Variants in NAV2 observed in about 807,000 individuals in gnomAD.
NAV2 encodes neuron navigator 2, also known as helicase, APC down-regulated 1.
A neutral mutation model predicts 223.2 loss-of-function variants in NAV2; 54 were observed. The ratio of observed to expected loss-of-function variants is 0.24; its 90% CI spans 0.19 to 0.30. The LOEUF is 0.30. Ranked by LOEUF, NAV2 falls within the 10% of genes least tolerant of loss-of-function variation. NAV2 has a pLI of 1.00. For synonymous variants in NAV2, 1,279 were observed against 1,239.3 expected (o/e 1.03, Z -0.67); for missense variants, 2,806 against 3,147.5 (o/e 0.89, Z 2.60).
chr11:19,943,927 G>C (rs1032375926), intron 8 of NAV2, among the ~76,000 whole-genome samples: 2 of 139,570 alleles, frequency 1.4e-5, no homozygotes, highest in African/African-American at 2.4e-5. Context: ...GCCGTGTGTG[G>C]TGGCTCACGC....
chr11:19,667,191 T>C (rs1467392306), intron 1 of NAV2, among the ~76,000 whole-genome samples: 1 of 152,240 alleles, frequency 6.6e-6, no homozygotes, highest in Non-Finnish European at 1.5e-5. Flanking sequence ...TGCTTGTTCT[T>C]ATTTGCTGAC....
chr11:19,672,513 C>T (rs540180743), intron 1 of NAV2, among the ~76,000 whole-genome samples: 1 of 152,272 alleles, frequency 6.6e-6, no homozygotes, highest in African/African-American at 2.4e-5. Flanking sequence ...AAGGGGGTAT[C>T]ATGATAGGAT....
chr11:19,751,678 C>G (rs1036985049), intron 1 of NAV2, among the ~76,000 whole-genome samples: 3 of 152,216 alleles, frequency 2.0e-5, no homozygotes, highest in Non-Finnish European at 2.9e-5. Flanking sequence ...ATTCTCTACT[C>G]TCTTCCTTTA....
intron 1 of NAV2, among the ~76,000 whole-genome samples, chr11:19,406,508 G>A (rs191834358): frequency 1.3e-5 from 2 of 152,146 alleles, no homozygotes; most frequent in Non-Finnish European, 2.9e-5. Context: ...GGCCATGGCT[G>A]TCTCTCCTCC....
chr11:19,431,320 T>A (rs1033498274), intron 1 of NAV2, among the ~76,000 whole-genome samples: 1 of 152,182 alleles, frequency 6.6e-6, no homozygotes, highest in Non-Finnish European at 1.5e-5. Flanking sequence ...GTTTAACGAC[T>A]GCTGAAGCTG....
chr11:20,106,589 G>A (rs970077087), intron 35 of NAV2, among the ~76,000 whole-genome samples: 2 of 148,978 alleles, frequency 1.3e-5, no homozygotes, highest in Non-Finnish European at 3.0e-5. Flanking sequence ...TTTTCATTTA[G>A]CACTATCTCA....
At position 19,426,585 on chromosome 11, in the gene NAV2, T is replaced by C. The variant is rs187792105; in HGVS notation, c.75+75558T>C. On this transcript the variant is annotated intron_variant, in intron 1 of 37. Coordinates refer to the NAV2 transcript ENST00000360655. Reference sequence around the variant, plus strand: ...GGTCAGCAGGAATCCTAGTCTCTCATAGGAAACTTGCCAAGAGAGGAATAT... The same window carrying C: ...GGTCAGCAGGAATCCTAGTCTCTCACAGGAAACTTGCCAAGAGAGGAATAT... Among the ~76,000 whole-genome samples the C allele has an allele frequency of 3.6e-3, 546 of 152,238 alleles. 10 individuals carry two copies. Among genetic ancestry groups the C allele is most frequent in the Non-Finnish European group, 1.0e-3 (69 of 68,014 alleles).
chr11:20,005,437 G>A (rs1171727947), intron 11 of NAV2, among the ~76,000 whole-genome samples: 2 of 151,642 alleles, frequency 1.3e-5, no homozygotes, highest in East Asian at 1.9e-4. Flanking sequence ...GTAGAGATAG[G>A]GTTTCACCTT....
At chr11:20,049,936 T>A in intron 16 of NAV2, 35 bp downstream of exon 16, 1 of 1,593,848 alleles carries the variant, frequency 6.3e-7, no homozygotes, top group Non-Finnish European at 8.6e-7. Flanking sequence ...CAACCGAGCC[T>A]CTAGGTTCTT....
intron 6 of NAV2, among the ~76,000 whole-genome samples, chr11:19,906,335 A>C (rs1160480005): frequency 6.6e-6 from 1 of 152,108 alleles, no homozygotes; most frequent in Non-Finnish European, 1.5e-5. Flanking sequence ...TAGTCACGTG[A>C]CCTGCCCAAA....
intron 1 of NAV2, among the ~76,000 whole-genome samples, chr11:19,536,447 C>T (rs753364124): frequency 2.0e-5 from 3 of 152,198 alleles, no homozygotes; most frequent in African/African-American, 7.2e-5. Context: ...GCTGTACCAG[C>T]TCACTGAAGT....
rs2062283683 is a variant in NAV2, at chr11:19,869,062, G to A, written c.511+65G>A. 4 of 1,446,776 alleles carry A rather than the reference G, an allele frequency of 2.8e-6. No homozygotes were observed. In the South Asian group the frequency reaches 3.5e-5, roughly 13 times the overall value. The allele number at this position is 1,446,776 out of a possible 1,614,324, so 89.6% of individuals were successfully genotyped here. A position where few individuals can be genotyped will look rare whatever the true frequency, so the allele number is the denominator to read the frequency against. ...TTAGAAATGCCCACCTGTTACTTAT[G>A]AATGATATTAACACCATTATGACAA... On this transcript the variant is annotated intron_variant, in intron 4 of 37. Coordinates refer to ENST00000349880, the MANE Select transcript of NAV2 (RefSeq NM_145117.5).
intron 22 of NAV2, among the ~76,000 whole-genome samples, chr11:20,069,696 C>T (rs752327098): frequency 3.3e-5 from 5 of 152,160 alleles, no homozygotes; most frequent in Non-Finnish European, 5.9e-5. Flanking sequence ...CGTTGATAAA[C>T]GTGTTCAAGC....
chr11:19,469,681 A>G (rs1161932719), intron 1 of NAV2, among the ~76,000 whole-genome samples: 1 of 152,116 alleles, frequency 6.6e-6, no homozygotes, highest in Non-Finnish European at 1.5e-5. Flanking sequence ...CGCAGGCAAA[A>G]AGAAGGAAAA....
intron 1 of NAV2, among the ~76,000 whole-genome samples, chr11:19,756,859 G>A (rs976249502): frequency 6.6e-6 from 1 of 152,102 alleles, no homozygotes. Context: ...TGGATTTCTC[G>A]GACTTCACGC....
At chr11:19,697,699 C>T (rs939953485) in intron 1 of NAV2, among the ~76,000 whole-genome samples, 4 of 152,130 alleles carry the variant, frequency 2.6e-5, no homozygotes, top group Non-Finnish European at 5.9e-5. Flanking sequence ...CCTGTAACAA[C>T]TAGACTGTGA....
chr11:19,993,438 C>T (rs2051539491), intron 11 of NAV2, among the ~76,000 whole-genome samples: 1 of 152,182 alleles, frequency 6.6e-6, no homozygotes, highest in Admixed American at 6.5e-5. Flanking sequence ...AGTCACATGG[C>T]TACACTTAAA....
intron 1 of NAV2, among the ~76,000 whole-genome samples, chr11:19,419,090 G>A (rs1221139904): frequency 6.6e-6 from 1 of 152,136 alleles, no homozygotes; most frequent in Non-Finnish European, 1.5e-5. Context: ...GCTGAGCCCT[G>A]GAGATTCAAG....
chr11:19,499,888 G>A (rs924881104), intron 1 of NAV2, among the ~76,000 whole-genome samples: 1 of 151,936 alleles, frequency 6.6e-6, no homozygotes, highest in African/African-American at 2.4e-5. Context: ...CATACAGTAG[G>A]CCCTTAATAA....
Sources: gnomAD v4.1 joint callset for allele counts (sites outside exome capture counted in the v4.1 genomes callset) on GRCh38, gnomAD v4.1.1 for gene constraint, MANE v1.5 for transcripts, NCBI Gene and HGNC (gene_info 2026-07-23, HGNC 2026-07-21) for gene names.